The following SRPK2 variants were observed in gnomAD, a reference collection of about 807,000 sequenced individuals.
SRPK2 encodes the protein SRSF protein kinase 2, also known as SFRS protein kinase 2.
A neutral mutation model predicts 90.8 loss-of-function variants in SRPK2; 21 were observed. The ratio of observed to expected loss-of-function variants is 0.23; its 90% confidence interval spans 0.16 to 0.33. The LOEUF is 0.33. Ranked by LOEUF, SRPK2 falls within the 10% of genes least tolerant of loss-of-function variation. The probability of loss-of-function intolerance (pLI) is 1.00; values close to 1 mark genes in which losing one functional copy is unlikely to be tolerated. For synonymous variants in SRPK2, 288 were observed against 311.1 expected (o/e 0.93, Z 0.78); for missense variants, 620 against 869.0 (o/e 0.71, Z 3.60).
chr7:105,289,082 C>T (rs1447263840), intron 2 of SRPK2, among the ~76,000 whole-genome samples: 2 of 140,188 alleles, frequency 1.4e-5, no homozygotes, highest in Admixed American at 7.5e-5. Flanking sequence ...TGGTGAAACC[C>T]CATCTCTACT....
intron 2 of SRPK2, among the ~76,000 whole-genome samples, chr7:105,371,263 G>A (rs951023301): frequency 6.6e-6 from 1 of 151,412 alleles, no homozygotes; most frequent in Non-Finnish European, 1.5e-5. Context: ...AATCAACCAG[G>A]CATGGTGGCA....
At chr7:105,185,470 G>T (rs1469289830) in intron 3 of SRPK2, among the ~76,000 whole-genome samples, 1 of 152,042 alleles carries the variant, frequency 6.6e-6, no homozygotes, top group East Asian at 1.9e-4. Context: ...GAGTGCAAGG[G>T]TATATATTAT....
intron 2 of SRPK2, among the ~76,000 whole-genome samples, chr7:105,335,324 T>C (rs1233063300): frequency 6.6e-6 from 1 of 152,156 alleles, no homozygotes; most frequent in Non-Finnish European, 1.5e-5. Context: ...AAAAGAACTA[T>C]GAGCAAATAA....
intron 2 of SRPK2, among the ~76,000 whole-genome samples, chr7:105,205,762 G>A (rs1796155937): frequency 6.6e-6 from 1 of 152,162 alleles, no homozygotes; most frequent in African/African-American, 2.4e-5. Context: ...TTCCCCAGCG[G>A]GAGGAAAAGG....
At chr7:105,362,722 T>C (rs1167402312) in intron 2 of SRPK2, among the ~76,000 whole-genome samples, 1 of 152,146 alleles carries the variant, frequency 6.6e-6, no homozygotes, top group Non-Finnish European at 1.5e-5. Context: ...TTATAAATCA[T>C]GCTGCTATAA....
intron 2 of SRPK2, among the ~76,000 whole-genome samples, chr7:105,317,970 C>T (rs1433070208): frequency 3.9e-5 from 6 of 152,070 alleles, no homozygotes; most frequent in African/African-American, 1.4e-4. Context: ...AGGCTGCTCT[C>T]GAACTCCTAA....
intron 2 of SRPK2, among the ~76,000 whole-genome samples, chr7:105,361,811 T>C (rs1818456620): frequency 1.3e-5 from 2 of 152,132 alleles, no homozygotes; most frequent in Non-Finnish European, 2.9e-5. Context: ...TTACACCTTA[T>C]ACAAAAATTA....
At chr7:105,121,205 C>T (rs1014761432) in intron 15 of SRPK2, among the ~76,000 whole-genome samples, 3 of 151,864 alleles carry the variant, frequency 2.0e-5, no homozygotes, top group Non-Finnish European at 4.4e-5. Flanking sequence ...ATTGGCCAGG[C>T]GTGGTGGTGC....
At chr7:105,289,743 T>C (rs1307462414) in intron 2 of SRPK2, among the ~76,000 whole-genome samples, 2 of 152,186 alleles carry the variant, frequency 1.3e-5, no homozygotes, top group Non-Finnish European at 2.9e-5. Context: ...CCGTCAAAAA[T>C]TTTTCCTTTG....
At chr7:105,159,448 C>CAAAAAAAAAAAAAAAACA (rs1807105051) in intron 7 of SRPK2, among the ~76,000 whole-genome samples, 1 of 33,144 alleles carries the variant, frequency 3.0e-5, no homozygotes, top group African/African-American at 9.4e-5. Context: ...ACTCCGTCTC[C>CAAAAAAAAAAAAAAAACA]AAAAAAAAAA....
chr7:105,395,208 G>T (rs1254346774), intron 1 of SRPK2, among the ~76,000 whole-genome samples: 1 of 151,872 alleles, frequency 6.6e-6, no homozygotes, highest in African/African-American at 2.4e-5. Context: ...AACAGAAAGT[G>T]ACTGGATGGA....
At chr7:105,294,584 T>C (rs191629751) in intron 2 of SRPK2, among the ~76,000 whole-genome samples, 121 of 152,322 alleles carry the variant, frequency 7.9e-4, no homozygotes, top group Middle Eastern at 6.8e-3. Context: ...TAGAGTGCTG[T>C]GGCACAATCT....
intron 2 of SRPK2, among the ~76,000 whole-genome samples, chr7:105,362,571 A>G (rs1818559616): frequency 6.6e-6 from 1 of 152,038 alleles, no homozygotes. Context: ...GGATGTGGAG[A>G]AATAGGAACA....
In SRPK2 at chr7:105,312,152, T is replaced by G. The variant is rs1474903212; in HGVS notation, c.71+76496A>C. Among the ~76,000 whole-genome samples the G allele has an allele frequency of 2.0e-5, 3 of 152,282 alleles. No individual in the cohort carries two copies. In the East Asian group the frequency reaches 5.8e-4, roughly 29 times the overall value. On this transcript the variant is annotated intron_variant, in intron 2 of 15. Transcript: ENST00000393651. Reference sequence around the variant, plus strand: ...GTACTGATATATGCTACAAAGTAGATGAAACTTGGCTGGGTGCAGTGGCTC... The same window carrying G: ...GTACTGATATATGCTACAAAGTAGAGGAAACTTGGCTGGGTGCAGTGGCTC...
chr7:105,132,366 G>A (rs1352209989), intron 13 of SRPK2, among the ~76,000 whole-genome samples: 2 of 152,232 alleles, frequency 1.3e-5, no homozygotes, highest in African/African-American at 2.4e-5. Context: ...GGCTTACCTG[G>A]AGGGGCTCCC....
At chr7:105,229,393 G>T (rs1486854857) in intron 2 of SRPK2, among the ~76,000 whole-genome samples, 1 of 152,076 alleles carries the variant, frequency 6.6e-6, no homozygotes, top group Non-Finnish European at 1.5e-5. Flanking sequence ...GAACCCGGGA[G>T]GCGGAGCTTG....
chr7:105,215,189 A>C (rs192473308), intron 2 of SRPK2, among the ~76,000 whole-genome samples: 44 of 152,334 alleles, frequency 2.9e-4, no homozygotes, highest in Non-Finnish European at 4.4e-4. Flanking sequence ...AAACTAACTC[A>C]TAATGGATCA....
intron 2 of SRPK2, among the ~76,000 whole-genome samples, chr7:105,340,990 G>A (rs1447352877): frequency 1.3e-5 from 2 of 152,118 alleles, no homozygotes; most frequent in African/African-American, 2.4e-5. Flanking sequence ...TATTTTCCAA[G>A]TGATTAACGG....
chr7:105,250,922 C>T (rs1233891780), intron 2 of SRPK2, among the ~76,000 whole-genome samples: 2 of 152,074 alleles, frequency 1.3e-5, no homozygotes, highest in Non-Finnish European at 2.9e-5. Flanking sequence ...TGTTTTTCTT[C>T]AGGAGCTAGA....
Sources: gnomAD v4.1 joint callset for allele counts (sites outside exome capture counted in the v4.1 genomes callset) on GRCh38, gnomAD v4.1.1 for gene constraint, MANE v1.5 for transcripts, NCBI Gene and HGNC (gene_info 2026-07-23, HGNC 2026-07-21) for gene names.